Variants in G2E3 observed in about 807,000 individuals in gnomAD.
G2E3 encodes G2/M-phase specific E3 ubiquitin protein ligase, also known as G2/M phase-specific E3 ubiquitin-protein ligase.
Under a neutral mutation model 92.8 loss-of-function variants are expected in G2E3, and 35 were observed. The ratio of observed to expected loss-of-function variants is 0.38; its 90% CI spans 0.29 to 0.50. The LOEUF is 0.50. Ranked by LOEUF, G2E3 falls within the 20% of genes least tolerant of loss-of-function variation. The pLI, the probability that G2E3 is intolerant of heterozygous loss-of-function variation, is 0.94. For synonymous variants in G2E3, 242 were observed against 272.4 expected, an observed-to-expected ratio of 0.89 and a Z score of 1.10; for missense variants, 554 against 823.8, an observed-to-expected ratio of 0.67 and a Z score of 4.01.
intron 6 of G2E3, among the ~76,000 whole-genome samples, chr14:30,595,917 G>C (rs1223205280): frequency 6.6e-6 from 1 of 152,060 alleles, no homozygotes; most frequent in African/African-American, 2.4e-5. Context: ...TTTTTGTTCA[G>C]CTTGGATTTT....
chr14:30,602,358 AAAAGTGTATCTATCCTACTGCATCATACG>A lies in G2E3; in HGVS notation c.1010+228_1010+256del, dbSNP rs1881612084. On this transcript the variant is annotated intron_variant, in intron 10 of 14. Transcript: ENST00000206595. Reference sequence around the variant, plus strand: ...AATACCAAACTGCATCATACGTGGGAAAAGTGTATCTATCCTACTGCATCATACGTGGGAAAAGTGTATCTATCCTAATT... The same window carrying A: ...AATACCAAACTGCATCATACGTGGGATGGGAAAAGTGTATCTATCCTAATT... Among the ~76,000 whole-genome samples, 11 of 46,506 alleles carry A rather than the reference AAAAGTGTATCTATCCTACTGCATCATACG, an allele frequency of 2.4e-4. No homozygotes were observed. In the African/African-American group the frequency reaches 4.4e-3, roughly 19 times the overall value. 30.5% of individuals were successfully genotyped at this position (46,506 alleles called of 152,430 possible).
chr14:30,585,706 CTAATCT>C (rs1350324505), intron 2 of G2E3, among the ~76,000 whole-genome samples: 3 of 150,284 alleles, frequency 2.0e-5, no homozygotes, highest in Non-Finnish European at 4.4e-5. Flanking sequence ...TATATCTACT[CTAATCT>C]TTATTTTTTT....
chr14:30,609,635 G>T (rs929778224), intron 12 of G2E3, among the ~76,000 whole-genome samples: 1 of 151,978 alleles, frequency 6.6e-6, no homozygotes, highest in Non-Finnish European at 1.5e-5. Context: ...TTGAGCCCCC[G>T]GACTTTTATA....
At chr14:30,584,982 C>G (rs144198631) in intron 2 of G2E3, among the ~76,000 whole-genome samples, 1 of 151,938 alleles carries the variant, frequency 6.6e-6, no homozygotes, top group Non-Finnish European at 1.5e-5. Flanking sequence ...CAGGCACACA[C>G]CACCATGCCC....
intron 6 of G2E3, among the ~76,000 whole-genome samples, chr14:30,597,000 A>G (rs1157593636): frequency 6.6e-6 from 1 of 152,242 alleles, no homozygotes; most frequent in Non-Finnish European, 1.5e-5. Context: ...TTTTGGGAAG[A>G]AAGCTGTCTT....
intron 1 of G2E3, among the ~76,000 whole-genome samples, chr14:30,579,471 T>C (rs1206211325): frequency 2.0e-5 from 3 of 152,204 alleles, no homozygotes; most frequent in Admixed American, 1.3e-4. Context: ...TCCAAAACAC[T>C]TTTTACAGTC....
At chr14:30,581,594 C>T (rs555382481) in intron 2 of G2E3, among the ~76,000 whole-genome samples, 2 of 152,258 alleles carry the variant, frequency 1.3e-5, no homozygotes, top group Admixed American at 6.5e-5. Context: ...CCCAGCTACT[C>T]GCTAGGCCGA....
intron 3 of G2E3, among the ~76,000 whole-genome samples, chr14:30,588,802 A>G (rs1360232866): frequency 6.6e-6 from 1 of 152,132 alleles, no homozygotes; most frequent in Non-Finnish European, 1.5e-5. Flanking sequence ...CTTTCTTAAC[A>G]TGTATAAACA....
intron 6 of G2E3, among the ~76,000 whole-genome samples, chr14:30,594,378 C>G (rs1881166511): frequency 1.3e-5 from 2 of 152,122 alleles, no homozygotes; most frequent in African/African-American, 4.8e-5. Flanking sequence ...TAATTGTCCA[C>G]AGACATATTT....
intron 4 of G2E3, chr14:30,590,811 T>A (rs1880968740): frequency 2.2e-6 from 1 of 453,264 alleles, no homozygotes; most frequent in Non-Finnish European, 4.4e-6. Context: ...ATAGTGAGCT[T>A]GTGGTAAAAG....
intron 10 of G2E3, among the ~76,000 whole-genome samples, chr14:30,605,091 TC>T (rs2138893211): frequency 6.6e-6 from 1 of 152,246 alleles, no homozygotes; most frequent in East Asian, 1.9e-4. Context: ...AGACAGGGTT[TC>T]TCCCTGTGGG....
chr14:30,582,832 G>C (rs1319666941), intron 2 of G2E3, among the ~76,000 whole-genome samples: 1 of 152,192 alleles, frequency 6.6e-6, no homozygotes, highest in East Asian at 1.9e-4. Context: ...AGGGAGGGCA[G>C]AGTAGTTAGG....
chr14:30,597,079 G>T (rs1881325896), intron 6 of G2E3, among the ~76,000 whole-genome samples: 2 of 152,112 alleles, frequency 1.3e-5, no homozygotes, highest in South Asian at 2.1e-4. Flanking sequence ...TCTAGATGAG[G>T]TAACTCAGGA....
chr14:30,605,743 A>G lies in G2E3; in HGVS notation c.1249A>G (p.Met417Val). The change falls in exon 11 of 15, where the codon ATG (methionine) becomes GTG (valine). Residue 417 changes from methionine to valine, a missense_variant. Met to Val is a conservative substitution (Grantham distance 21). Around this residue, in one of 3 missense-constraint regions of G2E3, gnomAD observed 397 missense variants for 560.3 expected, o/e 0.71. Coordinates refer to ENST00000206595, the MANE Select transcript of G2E3 (RefSeq NM_017769.5). ...AAAGCAAGAATTTCTGAGTCTCTTA[A>G]TGCAACATCTTGAGAACTCATCATT... is the stretch of plus-strand genomic sequence containing the variant. ...GSKQEFLSLL[M>V]QHLENSSLFE... 6.2e-7 allele frequency: 1 copy of G among 1,606,934 alleles called. No individual in the cohort carries two copies. Among genetic ancestry groups the G allele is most frequent in the Non-Finnish European group, 8.5e-7 (1 of 1,176,364 alleles).
At chr14:30,593,800 A>G (rs1881137099) in intron 6 of G2E3, among the ~76,000 whole-genome samples, 161 bp downstream of exon 6, 1 of 152,168 alleles carries the variant, frequency 6.6e-6, no homozygotes, top group African/African-American at 2.4e-5. Context: ...TTTACATACA[A>G]AATTCACCCT....
intron 8 of G2E3, 137 bp from the exon 9 acceptor site, chr14:30,601,633 C>G: frequency 1.3e-6 from 1 of 778,372 alleles, no homozygotes; most frequent in Non-Finnish European, 2.1e-6. Context: ...AGCAGATAAT[C>G]TTTTTCTTCC....
intron 8 of G2E3, 35 bp downstream of exon 8, chr14:30,598,634 C>G: frequency 1.6e-6 from 2 of 1,253,008 alleles, no homozygotes; most frequent in Non-Finnish European, 2.4e-6. Flanking sequence ...TTAGTGGTTC[C>G]TTGTTTAAAC....
chr14:30,576,935 T>C (rs562705987), intron 1 of G2E3, among the ~76,000 whole-genome samples: 44 of 151,902 alleles, frequency 2.9e-4, no homozygotes, highest in Non-Finnish European at 5.3e-4. Flanking sequence ...CTTTAGAAAA[T>C]GTTGGATGGG....
chr14:30,604,086 A>C (rs775028944), intron 10 of G2E3, among the ~76,000 whole-genome samples: 2 of 152,214 alleles, frequency 1.3e-5, no homozygotes, highest in Non-Finnish European at 2.9e-5. Flanking sequence ...TGAGATTTCC[A>C]AAGACGCTAC....
Sources: allele counts gnomAD v4.1 joint callset (sites outside exome capture counted in the v4.1 genomes callset), GRCh38; gene constraint gnomAD v4.1.1; regional missense constraint gnomAD v4.1.1; transcripts MANE v1.5; gene names NCBI Gene and HGNC (gene_info 2026-07-23, HGNC 2026-07-21).